Variants in COL1A2 observed in about 807,000 individuals in gnomAD.
The protein encoded by COL1A2 is collagen alpha-2(I) chain.
Under a neutral mutation model 174.3 loss-of-function variants are expected in COL1A2, and 49 were observed. The observed-to-expected ratio is 0.28, with a 90% CI of 0.22 to 0.36. The LOEUF (loss-of-function observed/expected upper bound fraction) is 0.36. COL1A2 is among the 10% of genes least tolerant of loss of function. The pLI is 1.00. For synonymous variants in COL1A2, 655 were observed against 606.6 expected (o/e 1.08, Z -1.17); for missense variants, 1,438 against 1,822.7 (o/e 0.79, Z 3.84).
At position 94,413,578 on chromosome 7, in the gene COL1A2, A is replaced by T; in HGVS notation, c.1558-112A>T. On this transcript the variant is annotated intron_variant, in intron 26 of 51. Transcript: ENST00000297268. Reference sequence around the variant, plus strand: ...TTCGTGGGAACCCACAATGAGTTTAATTCATGCTAAAATGACAAACTTGTT... The same window carrying T: ...TTCGTGGGAACCCACAATGAGTTTATTTCATGCTAAAATGACAAACTTGTT... 13 of 1,073,948 alleles carry T rather than the reference A, an allele frequency of 1.2e-5. No individual in the cohort carries two copies. In the South Asian group the frequency reaches 1.4e-4, roughly 12 times the overall value. The allele number at this position is 1,073,948 out of a possible 1,614,324, so 66.5% of individuals were successfully genotyped here. A position where few individuals can be genotyped will look rare whatever the true frequency, so the allele number is the denominator to read the frequency against.
intron 1 of COL1A2, 54 bp from the exon 2 acceptor site, chr7:94,397,694 T>C: frequency 1.0e-6 from 1 of 997,038 alleles, no homozygotes; most frequent in Non-Finnish European, 1.6e-6. Context: ...TTGCTATTGA[T>C]CCATGAAGTG....
chr7:94,423,218 G>T lies in COL1A2; in HGVS notation c.2565+100G>T. 2.1e-6 allele frequency: 3 copies of T among 1,407,002 alleles called. 1 individual carries two copies. The highest frequency in any genetic ancestry group is 2.4e-5 in the South Asian group (2 of 85,070). The allele number at this position is 1,407,002 out of a possible 1,614,324, so 87.2% of individuals were successfully genotyped here. On this transcript the variant is annotated intron_variant, in intron 40 of 51. Transcript: ENST00000297268. ...TGGCATCTATTTGTTGATGAGTATT[G>T]CAGGCTCTCAAGTAGAGCTCAGTTG...
chr7:94,401,750 CT>C, intron 6 of COL1A2, 130 bp downstream of exon 6: 1 of 485,810 alleles, frequency 2.1e-6, no homozygotes, highest in Non-Finnish European at 3.6e-6. Flanking sequence ...AAAAACAACT[CT>C]TTTTGTTTTC....
At chr7:94,420,209 G>A (rs1222992376) in intron 34 of COL1A2, 24 bp from the exon 35 acceptor site, 1 of 1,612,814 alleles carries the variant, frequency 6.2e-7, no homozygotes, top group Non-Finnish European at 8.5e-7. Context: ...CACATTAACA[G>A]ATTCATCTTT....
intron 11 of COL1A2, 99 bp from the exon 12 acceptor site, chr7:94,406,151 C>T: frequency 7.8e-7 from 1 of 1,275,014 alleles, no homozygotes; most frequent in Non-Finnish European, 1.1e-6. Flanking sequence ...GCAGACAAGA[C>T]TTACCCAAGA....
Position 94,427,699 on chromosome 7 carries a change from G to C in COL1A2, c.3340G>C (p.Gly1114Arg), listed in dbSNP as rs776698643. Residue 1114 changes from glycine to arginine, a missense_variant, in exon 49 of 52, where the codon GGA becomes CGA. Physicochemically the swap from Gly to Arg is moderately radical, Grantham distance 125. Around this residue, in one of 3 missense-constraint regions of COL1A2, gnomAD observed 867 missense variants for 1,213.7 expected, o/e 0.71. Coordinates refer to ENST00000297268, the MANE Select transcript of COL1A2 (RefSeq NM_000089.4). ...TGGTGGTTATGACTTTGGTTACGAT[G>C]GAGACTTCTACAGGGCTGACCAGCC... ...SGGGYDFGYDGDFYRADQPRS... is the reference protein window; with the variant it reads ...SGGGYDFGYDRDFYRADQPRS... 2 of 1,614,136 alleles carry C rather than the reference G, an allele frequency of 1.2e-6. No homozygotes were observed.
chr7:94,412,202 C>A, intron 24 of COL1A2, 81 bp downstream of exon 24: 1 of 1,151,902 alleles, frequency 8.7e-7, no homozygotes, highest in Non-Finnish European at 1.3e-6. Context: ...CTTATTTATA[C>A]ATGAACACAT....
chr7:94,429,635 G>A, intron 51 of COL1A2: 3 of 551,000 alleles, frequency 5.4e-6, no homozygotes, highest in Non-Finnish European at 9.5e-6. Flanking sequence ...AAATTCAGAT[G>A]ATAAATTCAG....
At chr7:94,428,160 C>G in intron 49 of COL1A2, 133 bp from the exon 50 acceptor site, 6 of 891,064 alleles carry the variant, frequency 6.7e-6, no homozygotes, top group Non-Finnish European at 9.1e-6. Flanking sequence ...AATAGCCACC[C>G]TCTTCCTCTT....
chr7:94,423,174 C>A, intron 40 of COL1A2, 56 bp downstream of exon 40: 2 of 1,595,606 alleles, frequency 1.3e-6, no homozygotes, highest in Non-Finnish European at 1.7e-6. Flanking sequence ...AAAATAAAGC[C>A]CCTACACAAA....
chr7:94,405,109 C>G, intron 9 of COL1A2, 90 bp from the exon 10 acceptor site: 1 of 1,340,596 alleles, frequency 7.5e-7, no homozygotes. Context: ...TATGTGATAA[C>G]TTTCTCCCCT....
Position 94,428,343 on chromosome 7 carries a change from G to A in COL1A2, c.3577G>A (p.Val1193Ile), listed in dbSNP as rs901337113. 1 of 1,614,010 alleles carries A rather than the reference G, an allele frequency of 6.2e-7. No homozygotes were observed. Among genetic ancestry groups the A allele is most frequent in the Non-Finnish European group, 8.5e-7 (1 of 1,180,012 alleles). ...NQGCTMDAIK[V>I]YCDFSTGETC... ...AGGATGCACTATGGATGCTATCAAA[G>A]TATACTGTGATTTCTCTACTGGCGA... is the stretch of plus-strand genomic sequence containing the variant. The change falls in exon 50 of 52, where the codon GTA becomes ATA. Residue 1193 changes from valine (V) to isoleucine (I), a missense_variant. By Grantham distance (29) the Val-to-Ile change is conservative. Transcript: ENST00000297268.
chr7:94,412,004 T>G (rs367842466), intron 23 of COL1A2, 64 bp from the exon 24 acceptor site: 13 of 1,393,034 alleles, frequency 9.3e-6, no homozygotes, highest in African/African-American at 2.9e-5. Context: ...AGACTTCAGT[T>G]AATCTAAGGC....
chr7:94,416,017 A>T (rs1792035263), intron 30 of COL1A2, among the ~76,000 whole-genome samples: 1 of 152,176 alleles, frequency 6.6e-6, no homozygotes, highest in Non-Finnish European at 1.5e-5. Flanking sequence ...ATCTAATGTT[A>T]TCTACACCTG....
chr7:94,428,188 T>C lies in COL1A2; in HGVS notation c.3527-105T>C, dbSNP rs982314870. ...TTCCTCTTAAATATGGGGTAGACAATCAAAAATGTTACTTATGAGAGTCAG... is the reference window on the plus strand; with the variant it reads ...TTCCTCTTAAATATGGGGTAGACAACCAAAAATGTTACTTATGAGAGTCAG... On this transcript the variant is annotated intron_variant, in intron 49 of 51. Coordinates refer to ENST00000297268, the MANE Select transcript of COL1A2 (RefSeq NM_000089.4). 1.0e-4 allele frequency: 106 copies of C among 1,060,936 alleles called. 1 individual carries two copies. Among genetic ancestry groups the C allele is most frequent in the Non-Finnish European group, 1.5e-4 (102 of 685,822 alleles). 65.7% of individuals were successfully genotyped at this position (1,060,936 alleles called of 1,614,324 possible).
At chr7:94,408,037 C>A in intron 13 of COL1A2, 146 bp downstream of exon 13, 1 of 1,160,992 alleles carries the variant, frequency 8.6e-7, no homozygotes, top group African/African-American at 1.5e-5. Flanking sequence ...TAATTGAAAT[C>A]CACTACTGTT....
chr7:94,400,317 T>C (rs1791666271), intron 5 of COL1A2, 29 bp downstream of exon 5: 1 of 1,578,494 alleles, frequency 6.3e-7, no homozygotes, highest in Non-Finnish European at 8.7e-7. Flanking sequence ...TGCTAACTTT[T>C]AGCTAACTTC....
intron 5 of COL1A2, among the ~76,000 whole-genome samples, chr7:94,400,985 C>T (rs1350223889): frequency 6.6e-6 from 1 of 152,166 alleles, no homozygotes; most frequent in African/African-American, 2.4e-5. Flanking sequence ...TTTAATAGAG[C>T]TACCACTATA....
intron 5 of COL1A2, among the ~76,000 whole-genome samples, chr7:94,400,494 G>A (rs1387835925): frequency 6.6e-6 from 1 of 152,074 alleles, no homozygotes; most frequent in Non-Finnish European, 1.5e-5. Context: ...GTCTTTGTGT[G>A]CACTGAAGTT....
Sources: allele counts gnomAD v4.1 joint callset (sites outside exome capture counted in the v4.1 genomes callset), GRCh38; gene constraint gnomAD v4.1.1; regional missense constraint gnomAD v4.1.1; transcripts MANE v1.5; gene names NCBI Gene and HGNC (gene_info 2026-07-23, HGNC 2026-07-21).